Variants in SRR observed in about 807,000 individuals in gnomAD.
The protein encoded by SRR is D-serine ammonia-lyase.
In SRR, 19 loss-of-function variants were observed where a neutral mutation model predicts 32.7. That is an observed-to-expected ratio of 0.58 (90% CI 0.40 to 0.85). The LOEUF (loss-of-function observed/expected upper bound fraction) is 0.85. Among genes scored for constraint, SRR ranks in the 40% least tolerant of loss-of-function variants. SRR has a pLI of 0.00. For synonymous variants in SRR, 142 were observed against 140.9 expected (o/e 1.01, Z -0.06); for missense variants, 373 against 404.7 (o/e 0.92, Z 0.67).
At chr17:2,320,167 T>A (rs539560878) in intron 4 of SRR, among the ~76,000 whole-genome samples, 6 of 150,458 alleles carry the variant, frequency 4.0e-5, no homozygotes, top group African/African-American at 1.5e-4. Context: ...TCCCATCTCA[T>A]ACACGGTGGA....
At position 2,305,990 on chromosome 17, in the gene SRR, C is replaced by T. The variant is rs528035503; in HGVS notation, c.-5+1973C>T. Among the ~76,000 whole-genome samples, 317 of 150,908 alleles carry T rather than the reference C, an allele frequency of 2.1e-3. 2 individuals carry two copies. The highest frequency in any genetic ancestry group is 6.2e-3 in the African/African-American group (257 of 41,376). On this transcript the variant is annotated intron_variant, in intron 1 of 7. Coordinates refer to ENST00000344595, the MANE Select transcript of SRR (RefSeq NM_021947.3). ...CTGGGATTACAGGCGTGAGCCACCG[C>T]GCCCAGCCTTGAATTCAGTTTCTAA...
At chr17:2,322,850 C>T (rs2075544273) in intron 6 of SRR, 5 of 385,564 alleles carry the variant, frequency 1.3e-5, no homozygotes, top group Non-Finnish European at 2.5e-5. Flanking sequence ...CTGCAACCTA[C>T]CCCTCCCAAG....
At chr17:2,303,439 G>A (rs781094323), upstream of SRR, 5 of 1,299,106 alleles carry the variant, frequency 3.8e-6, no homozygotes, top group Non-Finnish European at 4.9e-6. Context: ...AGCTGGCCAG[G>A]ACTGGCCGAG....
intron 1 of SRR, among the ~76,000 whole-genome samples, chr17:2,307,989 C>T (rs150172144): frequency 5.4e-4 from 78 of 145,472 alleles, no homozygotes; most frequent in Admixed American, 3.5e-3. Flanking sequence ...TTTTTTTGCA[C>T]CCAAGCTGTT....
intron 6 of SRR, among the ~76,000 whole-genome samples, chr17:2,322,027 C>T (rs549044268): frequency 1.9e-4 from 29 of 152,326 alleles, no homozygotes; most frequent in Admixed American, 2.6e-4. Context: ...GCGATCCACC[C>T]GCCTTGGCCT....
At chr17:2,317,007 T>C (rs1215230364) in intron 2 of SRR, among the ~76,000 whole-genome samples, 1 of 148,030 alleles carries the variant, frequency 6.8e-6, no homozygotes, top group African/African-American at 2.5e-5. Flanking sequence ...CTGGCATGAG[T>C]CACCGCACCC....
chr17:2,323,033 G>T, intron 6 of SRR, 103 bp from the exon 7 acceptor site: 1 of 1,226,238 alleles, frequency 8.2e-7, no homozygotes, highest in Non-Finnish European at 1.2e-6. Context: ...CCAAAGTGTT[G>T]GGATTACAGG....
At chr17:2,323,424 A>G (rs1216603937) in intron 7 of SRR, 79 bp downstream of exon 7, 1 of 1,537,944 alleles carries the variant, frequency 6.5e-7, no homozygotes, top group Non-Finnish European at 8.9e-7. Context: ...AGGAGTAGCA[A>G]GTGACCCACG....
intron 1 of SRR, among the ~76,000 whole-genome samples, chr17:2,313,612 T>G (rs2075449254): frequency 6.6e-6 from 1 of 151,684 alleles, no homozygotes; most frequent in Non-Finnish European, 1.5e-5. Context: ...GGTGGGCGCC[T>G]GTAATGCCAG....
chr17:2,321,253 G>A, intron 4 of SRR, 53 bp from the exon 5 acceptor site: 2 of 1,599,988 alleles, frequency 1.3e-6, no homozygotes, highest in Non-Finnish European at 8.5e-7. Context: ...AATGGAACTT[G>A]TTGGGGACTC....
intron 4 of SRR, 127 bp from the exon 5 acceptor site, chr17:2,321,179 T>C (rs1466359057): frequency 9.3e-6 from 10 of 1,078,514 alleles, no homozygotes; most frequent in African/African-American, 3.2e-5. Flanking sequence ...TATTAACATA[T>C]ATATCTCTAG....
intron 4 of SRR, among the ~76,000 whole-genome samples, chr17:2,320,292 G>A (rs183229033): frequency 1.8e-4 from 17 of 94,672 alleles, no homozygotes; most frequent in Admixed American, 1.4e-3. Context: ...GAATCTCCCC[G>A]TCTCCCAGGC....
chr17:2,318,106 T>A, intron 3 of SRR, 110 bp downstream of exon 3: 1 of 1,250,718 alleles, frequency 8.0e-7, no homozygotes, highest in Non-Finnish European at 1.1e-6. Context: ...CAAAGAAATC[T>A]CTATCTGATT....
At chr17:2,322,544 A>C (rs1405939627) in intron 6 of SRR, 2 of 152,238 alleles carry the variant, frequency 1.3e-5, no homozygotes, top group African/African-American at 2.4e-5. Context: ...TCTGTCACCC[A>C]GGCTGGAGTG....
intron 1 of SRR, among the ~76,000 whole-genome samples, chr17:2,313,430 A>G (rs2075447517): frequency 1.4e-5 from 2 of 144,294 alleles, no homozygotes; most frequent in African/African-American, 2.6e-5. Context: ...CTCTCTCAAA[A>G]AAAAAAAAAA....
At chr17:2,321,780 CTATTAT>C (rs907240461) in intron 6 of SRR, among the ~76,000 whole-genome samples, 164 bp downstream of exon 6, 11 of 152,208 alleles carry the variant, frequency 7.2e-5, no homozygotes, top group Non-Finnish European at 1.2e-4. Context: ...ACTCTATTTA[CTATTAT>C]TATTATTTTT....
rs553448386 is a variant in SRR, at chr17:2,319,013, GCCT to G, written c.399+88_399+90del. Reference sequence around the variant, plus strand: ...CTACCTTACTGGCTGCTCCTTCTCAGCCTCCTTTGTGGTTTCCCCTTTATTTCT... The same window carrying G: ...CTACCTTACTGGCTGCTCCTTCTCAGCCTTTGTGGTTTCCCCTTTATTTCT... On this transcript the variant is annotated intron_variant, in intron 4 of 7. Coordinates refer to ENST00000344595, the MANE Select transcript of SRR (RefSeq NM_021947.3). The G allele has an allele frequency of 2.9e-5, 27 of 930,840 alleles. 1 individual carries two copies. The South Asian group carries it at 3.8e-4, about 13-fold the overall frequency. 57.7% of individuals were successfully genotyped at this position (930,840 alleles called of 1,614,324 possible).
intron 2 of SRR, 125 bp from the exon 3 acceptor site, chr17:2,317,745 G>A (rs2075488586): frequency 2.0e-6 from 2 of 1,010,940 alleles, no homozygotes; most frequent in African/African-American, 3.3e-5. Context: ...TATTTAAGAG[G>A]TAAATCGATA....
At chr17:2,315,330 G>T in intron 1 of SRR, 1 of 367,854 alleles carries the variant, frequency 2.7e-6, no homozygotes, top group East Asian at 4.5e-5. Context: ...GTGGGCTTTA[G>T]CCTTCTGTAA....
Sources: allele counts gnomAD v4.1 joint callset (sites outside exome capture counted in the v4.1 genomes callset), GRCh38; gene constraint gnomAD v4.1.1; transcripts MANE v1.5; gene names NCBI Gene and HGNC (gene_info 2026-07-23, HGNC 2026-07-21).